DAB1: variants seen among roughly 807,000 people sequenced by gnomAD.
DAB1 encodes DAB adaptor protein 1.
Under a neutral mutation model 64.6 loss-of-function variants are expected in DAB1, and 15 were observed. The observed-to-expected ratio is 0.23, with a 90% CI of 0.16 to 0.36. The LOEUF (loss-of-function observed/expected upper bound fraction) is 0.36, where lower values mean the gene tolerates loss of function less well. DAB1 is among the 10% of genes least tolerant of loss of function. DAB1 has a pLI of 1.00. For synonymous variants in DAB1, 235 were observed against 251.9 expected (o/e 0.93, Z 0.64); for missense variants, 596 against 706.7 (o/e 0.84, Z 1.78).
intron 1 of DAB1, among the ~76,000 whole-genome samples, chr1:57,343,694 G>A (rs181287397): frequency 6.0e-4 from 92 of 152,256 alleles, no homozygotes; most frequent in African/African-American, 2.0e-3. Context: ...CCGGCCGGCC[G>A]CTCCAAGTGT....
At chr1:58,227,755 C>T (rs1659566920) in intron 4 of DAB1, among the ~76,000 whole-genome samples, 1 of 152,216 alleles carries the variant, frequency 6.6e-6, no homozygotes, top group African/African-American at 2.4e-5. Context: ...GTAAGCCGGT[C>T]TCAGCTCTTC....
At chr1:57,674,916 A>G (rs1463709696) in intron 6 of DAB1, among the ~76,000 whole-genome samples, 1 of 152,166 alleles carries the variant, frequency 6.6e-6, no homozygotes, top group Non-Finnish European at 1.5e-5. Flanking sequence ...TGGCTTCACT[A>G]CATTTTCCAG....
chr1:57,665,857 G>C (rs1375122352), intron 6 of DAB1, among the ~76,000 whole-genome samples: 5 of 149,254 alleles, frequency 3.3e-5, no homozygotes, highest in Admixed American at 6.7e-5. Context: ...ATCTGTGTGT[G>C]TGTGTGTGTG....
At chr1:58,129,293 C>A (rs974472290) in intron 5 of DAB1, among the ~76,000 whole-genome samples, 1 of 151,130 alleles carries the variant, frequency 6.6e-6, no homozygotes, top group Non-Finnish European at 1.5e-5. Flanking sequence ...TCTGTGGGAT[C>A]GGTGGTGATA....
chr1:57,972,453 G>GGCTGGA (rs1645820682), intron 5 of DAB1, among the ~76,000 whole-genome samples: 1 of 152,028 alleles, frequency 6.6e-6, no homozygotes, highest in Non-Finnish European at 1.5e-5. Context: ...ATGTTGCCCA[G>GGCTGGA]GCTGGTCTCG....
intron 5 of DAB1, among the ~76,000 whole-genome samples, chr1:58,011,325 G>A (rs999307337): frequency 2.5e-4 from 38 of 152,172 alleles, no homozygotes; most frequent in Non-Finnish European, 1.0e-4. Context: ...AATGAAATTG[G>A]CAGATCTGGA....
intron 5 of DAB1, among the ~76,000 whole-genome samples, chr1:57,945,216 T>C (rs557276275): frequency 2.4e-4 from 37 of 152,256 alleles, no homozygotes; most frequent in African/African-American, 8.9e-4. Flanking sequence ...ATGCTCTCAC[T>C]GAATACTGTC....
intron 4 of DAB1, among the ~76,000 whole-genome samples, chr1:58,324,669 A>G (rs1008216188): frequency 1.3e-5 from 2 of 152,176 alleles, no homozygotes; most frequent in African/African-American, 4.8e-5. Context: ...CTGTTCCAAG[A>G]CACCTGCCTC....
intron 5 of DAB1, 103 bp from the exon 6 acceptor site, chr1:57,071,744 T>G: frequency 6.2e-6 from 7 of 1,129,492 alleles, no homozygotes; most frequent in Non-Finnish European, 8.8e-6. Context: ...CCTTTTTCTA[T>G]TAATCTGAAA....
At chr1:57,564,711 AGC>A (rs1645096090) in intron 7 of DAB1, among the ~76,000 whole-genome samples, 1 of 152,212 alleles carries the variant, frequency 6.6e-6, no homozygotes, top group African/African-American at 2.4e-5. Flanking sequence ...AATGAAATGA[AGC>A]GAGAAGAGAA....
At chr1:57,417,322 T>C (rs1376599594) in intron 1 of DAB1, among the ~76,000 whole-genome samples, 2 of 152,146 alleles carry the variant, frequency 1.3e-5, no homozygotes, top group East Asian at 3.8e-4. Flanking sequence ...AGCAGTAGGA[T>C]ATAAATAACG....
At chr1:57,077,439 G>C (rs1255884181) in intron 4 of DAB1, among the ~76,000 whole-genome samples, 2 of 152,118 alleles carry the variant, frequency 1.3e-5, no homozygotes, top group Non-Finnish European at 2.9e-5. Context: ...AAATGAATGG[G>C]GAGGAAGAAA....
At chr1:58,294,854 T>C (rs1359790957) in intron 4 of DAB1, among the ~76,000 whole-genome samples, 1 of 121,886 alleles carries the variant, frequency 8.2e-6, no homozygotes, top group East Asian at 2.7e-4. Context: ...AATGGCATGC[T>C]TGGTCCAGAA....
chr1:57,556,907 A>G (rs977599926), intron 7 of DAB1, among the ~76,000 whole-genome samples: 2 of 152,188 alleles, frequency 1.3e-5, no homozygotes, highest in African/African-American at 2.4e-5. Flanking sequence ...TTATGGTCTC[A>G]GGTCTTAGAT....
At chr1:57,414,083 T>C (rs939035610) in intron 1 of DAB1, among the ~76,000 whole-genome samples, 7 of 152,232 alleles carry the variant, frequency 4.6e-5, no homozygotes, top group Middle Eastern at 3.2e-3. Context: ...GTGAAGATTG[T>C]TGAAATGACA....
Position 57,282,182 on chromosome 1 carries a change from C to CAAAAA in DAB1, c.67+8777_67+8781dup, listed in dbSNP as rs61512431. Among the ~76,000 whole-genome samples, 238 of 92,742 alleles carry CAAAAA rather than the reference C, an allele frequency of 2.6e-3. 10 individuals are homozygous for CAAAAA. Among genetic ancestry groups the CAAAAA allele is most frequent in the Non-Finnish European group, 3.8e-3 (176 of 46,284 alleles). The allele number at this position is 92,742 out of a possible 152,430, so 60.8% of individuals were successfully genotyped here. ...TGGGTGACAGAGCAAGCCTTCTTCT[C>CAAAAA]AAAAAAAAAAAAAAAAAAAAAAAAA... is the stretch of plus-strand genomic sequence containing the variant. On this transcript the variant is annotated intron_variant, in intron 2 of 14. Coordinates refer to ENST00000371236, the MANE Select transcript of DAB1 (RefSeq NM_001365792.1).
At chr1:58,433,598 T>C (rs58123146) in intron 3 of DAB1, among the ~76,000 whole-genome samples, 2 of 90,642 alleles carry the variant, frequency 2.2e-5, no homozygotes, top group East Asian at 1.5e-3. Flanking sequence ...AGAGAGAGAG[T>C]GTGTGTGTGT....
At chr1:57,115,362 G>A (rs1051548066) in intron 4 of DAB1, among the ~76,000 whole-genome samples, 4 of 152,176 alleles carry the variant, frequency 2.6e-5, no homozygotes, top group African/African-American at 9.7e-5. Context: ...GCATGGGGTT[G>A]TCACAGAGAA....
intron 7 of DAB1, among the ~76,000 whole-genome samples, chr1:57,482,387 C>A (rs962417370): frequency 6.7e-6 from 1 of 150,030 alleles, no homozygotes; most frequent in African/African-American, 2.5e-5. Flanking sequence ...AATAAATATG[C>A]CCAAGTCATT....
Sources: allele counts gnomAD v4.1 joint callset (sites outside exome capture counted in the v4.1 genomes callset), GRCh38; gene constraint gnomAD v4.1.1; transcripts MANE v1.5; gene names NCBI Gene and HGNC (gene_info 2026-07-23, HGNC 2026-07-21).